The following CFAP96 variants were observed in gnomAD, a reference collection of about 807,000 sequenced individuals.
CFAP96 encodes the protein cilia and flagella associated protein 96.
the CFAP96 span, among the ~76,000 whole-genome samples, chr4:185,447,393 G>C: frequency 1.7e-3 from 257 of 152,054 alleles, 2 homozygotes; most frequent in African/African-American, 5.8e-3. Flanking sequence ...TGTTAGCCAG[G>C]ATGGACTTGA....
At chr4:185,439,924 GAT>G in the CFAP96 span, among the ~76,000 whole-genome samples, 31 of 142,172 alleles carry the variant, frequency 2.2e-4, no homozygotes, top group Admixed American at 6.4e-4. Flanking sequence ...TCATATATAT[GAT>G]ATATATACAT....
the CFAP96 span, among the ~76,000 whole-genome samples, chr4:185,418,086 T>C: frequency 3.0e-5 from 1 of 33,352 alleles, no homozygotes; most frequent in Non-Finnish European, 6.5e-5. Flanking sequence ...GAACCAAGAG[T>C]AGTGTGAAGA....
At chr4:185,442,191 A>G in the CFAP96 span, among the ~76,000 whole-genome samples, 65 of 152,156 alleles carry the variant, frequency 4.3e-4, no homozygotes, top group South Asian at 0.012. Context: ...TTATTCTGTC[A>G]TATTCTCCAG....
chr4:185,432,872 A>T, the CFAP96 span, among the ~76,000 whole-genome samples: 1 of 150,626 alleles, frequency 6.6e-6, no homozygotes, highest in African/African-American at 2.4e-5. Context: ...AAAAAAAAAA[A>T]ATGTGGAATT....
chr4:185,410,882 G>C, the CFAP96 span, among the ~76,000 whole-genome samples: 5 of 148,722 alleles, frequency 3.4e-5, no homozygotes, highest in East Asian at 1.0e-3. Flanking sequence ...GGAGGCGGAG[G>C]TTGCAGTGAG....
chr4:185,447,262 A>G, the CFAP96 span, among the ~76,000 whole-genome samples: 4 of 151,744 alleles, frequency 2.6e-5, no homozygotes, highest in East Asian at 1.9e-4. Flanking sequence ...GCTCACTGCA[A>G]GCTCCACCTG....
chr4:185,434,594 T>A, the CFAP96 span, among the ~76,000 whole-genome samples: 4 of 152,294 alleles, frequency 2.6e-5, no homozygotes, highest in South Asian at 2.1e-4. Context: ...TTTCCTTTTT[T>A]AAAATAATTC....
At chr4:185,443,342 A>ATATATATATATATATTTTTTT in the CFAP96 span, among the ~76,000 whole-genome samples, 1 of 26,726 alleles carries the variant, frequency 3.7e-5, no homozygotes, top group Non-Finnish European at 7.4e-5. Context: ...ATATATATAT[A>ATATATATATATATATTTTTTT]TTTTTTTTTT....
chr4:185,415,287 A>C, the CFAP96 span: 1 of 1,602,652 alleles, frequency 6.2e-7, no homozygotes, highest in South Asian at 1.1e-5. Flanking sequence ...TATATTTCAA[A>C]ATACATTTTT....
At chr4:185,438,422 A>G in the CFAP96 span, among the ~76,000 whole-genome samples, 1 of 152,064 alleles carries the variant, frequency 6.6e-6, no homozygotes, top group Non-Finnish European at 1.5e-5. Context: ...TTTGCTCTCT[A>G]GAAGTTTGAG....
the CFAP96 span, chr4:185,415,895 T>C: frequency 1.3e-6 from 2 of 1,553,282 alleles, no homozygotes; most frequent in South Asian, 2.4e-5. Context: ...AATAGTCAAC[T>C]TGTAGTGCAT....
the CFAP96 span, among the ~76,000 whole-genome samples, chr4:185,432,673 G>C: frequency 6.6e-6 from 1 of 151,914 alleles, no homozygotes; most frequent in Non-Finnish European, 1.5e-5. Flanking sequence ...GACCAGCCTG[G>C]GCAATATAGA....
chr4:185,430,377 A>G, the CFAP96 span, among the ~76,000 whole-genome samples: 1 of 152,204 alleles, frequency 6.6e-6, no homozygotes, highest in Admixed American at 6.5e-5. Flanking sequence ...AGAATAGTCT[A>G]TATAGTGTGC....
the CFAP96 span, among the ~76,000 whole-genome samples, chr4:185,446,137 A>G: frequency 6.6e-6 from 1 of 152,290 alleles, no homozygotes; most frequent in South Asian, 2.1e-4. Flanking sequence ...CACTGCGCCC[A>G]GCACAAAGGT....
the CFAP96 span, among the ~76,000 whole-genome samples, chr4:185,414,375 T>C: frequency 1.3e-5 from 2 of 152,304 alleles, no homozygotes; most frequent in African/African-American, 2.4e-5. Context: ...CAAATACACA[T>C]ATATGTTTAA....
At chr4:185,418,439 ACCATGTCTGATAACTTTTTGT>A in the CFAP96 span, 1 of 1,601,794 alleles carries the variant, frequency 6.2e-7, no homozygotes, top group Non-Finnish European at 8.5e-7. Context: ...TAGTTTGCTT[ACCATGTCTGATAACTTTTTGT>A]CCTTCTTTCT....
chr4:185,432,333 G>A, the CFAP96 span: 1 of 676,128 alleles, frequency 1.5e-6, no homozygotes. Context: ...GTCTTAGGTG[G>A]AGATAGTTGT....
the CFAP96 span, among the ~76,000 whole-genome samples, chr4:185,414,566 C>T: frequency 6.6e-6 from 1 of 152,138 alleles, no homozygotes; most frequent in Non-Finnish European, 1.5e-5. Context: ...TCCCTAAGGA[C>T]AGAAATTAGG....
the CFAP96 span, chr4:185,408,524 T>TA: frequency 2.4e-4 from 323 of 1,339,270 alleles, no homozygotes; most frequent in Middle Eastern, 2.0e-3. Flanking sequence ...TTAATGTTCT[T>TA]AGAGTTAGAC....
Sources: gnomAD v4.1 joint callset for allele counts (sites outside exome capture counted in the v4.1 genomes callset) on GRCh38, gnomAD v4.1.1 for gene constraint, MANE v1.5 for transcripts, NCBI Gene and HGNC (gene_info 2026-07-23, HGNC 2026-07-21) for gene names.